PSTPIP2: variants seen among roughly 807,000 people sequenced by gnomAD.
The protein encoded by PSTPIP2 is proline-serine-threonine phosphatase interacting protein 2, also known as proline-serine-threonine phosphatase-interacting protein 2.
A neutral mutation model predicts 63.3 loss-of-function variants in PSTPIP2; 33 were observed. The observed-to-expected ratio is 0.52, with a 90% confidence interval of 0.40 to 0.70. The LOEUF (loss-of-function observed/expected upper bound fraction) is 0.70, where lower values mean the gene tolerates loss of function less well. Among genes scored for constraint, PSTPIP2 ranks in the 30% least tolerant of loss-of-function variants. The probability of loss-of-function intolerance (pLI) is 0.00; values close to 1 mark genes in which losing one functional copy is unlikely to be tolerated. For missense variants in PSTPIP2, 312 were observed against 400.7 expected, an observed-to-expected ratio of 0.78 and a Z score of 1.89; for synonymous variants, 125 against 132.7, an observed-to-expected ratio of 0.94 and a Z score of 0.40.
chr18:46,035,436 A>AGAG (rs1555690586), intron 2 of PSTPIP2, among the ~76,000 whole-genome samples: 2 of 140,872 alleles, frequency 1.4e-5, no homozygotes, highest in South Asian at 2.1e-4. Flanking sequence ...AAAAAAAGAA[A>AGAG]AGAGAGAGAG....
At chr18:46,002,024 A>G (rs1017329342) in intron 6 of PSTPIP2, among the ~76,000 whole-genome samples, 3 of 152,178 alleles carry the variant, frequency 2.0e-5, no homozygotes, top group African/African-American at 4.8e-5. Context: ...ATGTGTTAAC[A>G]GTTCTTTTCT....
At chr18:45,999,565 C>T in intron 6 of PSTPIP2, 31 bp from the exon 7 acceptor site, 3 of 1,610,646 alleles carry the variant, frequency 1.9e-6, no homozygotes, top group Non-Finnish European at 2.5e-6. Context: ...AGAACCAAAA[C>T]AAATGAACAG....
intron 1 of PSTPIP2, among the ~76,000 whole-genome samples, chr18:46,043,057 G>A (rs28432272): frequency 0.015 from 2,236 of 151,908 alleles, 37 homozygotes; most frequent in Admixed American, 0.037. Flanking sequence ...AGTTCCACCC[G>A]TGCAGTCCCA....
At chr18:45,997,963 A>C in intron 8 of PSTPIP2, 135 bp from the exon 9 acceptor site, 1 of 712,606 alleles carries the variant, frequency 1.4e-6, no homozygotes. Flanking sequence ...CAGGACTCTG[A>C]GCACTGGGAG....
At chr18:45,996,280 G>A (rs887643885) in intron 9 of PSTPIP2, among the ~76,000 whole-genome samples, 10 of 152,228 alleles carry the variant, frequency 6.6e-5, no homozygotes, top group Admixed American at 2.0e-4. Flanking sequence ...CAGGAAAAAA[G>A]GAGTGGGGCA....
intron 5 of PSTPIP2, among the ~76,000 whole-genome samples, chr18:46,009,296 C>T (rs1005661738): frequency 7.3e-6 from 1 of 137,856 alleles, no homozygotes. Flanking sequence ...AAGACCAAAG[C>T]GTGTGTCTGA....
chr18:46,042,624 T>G (rs916681944), intron 1 of PSTPIP2, among the ~76,000 whole-genome samples: 6 of 152,198 alleles, frequency 3.9e-5, no homozygotes, highest in Non-Finnish European at 7.3e-5. Context: ...AAAGGCCTAT[T>G]GTGCTTGCTG....
At chr18:46,007,158 A>G (rs2051737303) in intron 5 of PSTPIP2, among the ~76,000 whole-genome samples, 1 of 152,278 alleles carries the variant, frequency 6.6e-6, no homozygotes, top group Non-Finnish European at 1.5e-5. Context: ...CCTTCCAGAC[A>G]GAGAAAACTT....
intron 1 of PSTPIP2, among the ~76,000 whole-genome samples, chr18:46,065,548 C>G (rs1351280826): frequency 2.0e-5 from 3 of 151,982 alleles, no homozygotes; most frequent in Non-Finnish European, 4.4e-5. Context: ...CTCACTGCAA[C>G]CTCCGCCTCC....
At chr18:46,051,482 A>C (rs1037262441) in intron 1 of PSTPIP2, among the ~76,000 whole-genome samples, 1 of 152,188 alleles carries the variant, frequency 6.6e-6, no homozygotes, top group Non-Finnish European at 1.5e-5. Context: ...TCAAGAAAAA[A>C]AAAAATTGAA....
At chr18:46,013,874 T>C (rs1223830951) in intron 4 of PSTPIP2, among the ~76,000 whole-genome samples, 2 of 152,142 alleles carry the variant, frequency 1.3e-5, no homozygotes, top group Non-Finnish European at 2.9e-5. Flanking sequence ...TCCAAAGACT[T>C]TCTATTTCCT....
chr18:46,059,065 CTCCCTCTGT>C (rs1908888695), intron 1 of PSTPIP2, among the ~76,000 whole-genome samples: 1 of 148,632 alleles, frequency 6.7e-6, no homozygotes. Flanking sequence ...GAGATAGGGT[CTCCCTCTGT>C]CGCCCAGGCT....
At chr18:46,029,702 G>T in intron 2 of PSTPIP2, 1 of 691,210 alleles carries the variant, frequency 1.4e-6, no homozygotes, top group Non-Finnish European at 2.6e-6. Context: ...GCAGTCATTG[G>T]TTCATCTTCC....
At chr18:46,064,149 T>C (rs1418504200) in intron 1 of PSTPIP2, among the ~76,000 whole-genome samples, 2 of 152,170 alleles carry the variant, frequency 1.3e-5, no homozygotes, top group Non-Finnish European at 2.9e-5. Flanking sequence ...CTTCCTTGTC[T>C]AGGCCACTGT....
chr18:46,015,772 C>T, intron 4 of PSTPIP2, 131 bp downstream of exon 4: 1 of 966,794 alleles, frequency 1.0e-6, no homozygotes, highest in Non-Finnish European at 1.6e-6. Context: ...AGCTTTGTCT[C>T]ACCTTAGGAG....
At chr18:46,047,620 A>G (rs1055964381) in intron 1 of PSTPIP2, among the ~76,000 whole-genome samples, 1 of 152,002 alleles carries the variant, frequency 6.6e-6, no homozygotes, top group Admixed American at 6.6e-5. Context: ...AACGTGGGAA[A>G]CAGAGGTTGT....
Position 46,022,270 on chromosome 18 carries a change from A to AGTGT in PSTPIP2, c.212+2335_212+2338dup, listed in dbSNP as rs1907392263. ...ATACCTTTCTTTGTAGTCTAGGATG[A>AGTGT]GTGTGTGTGTATGTGTGTGTGTGTG... On this transcript the variant is annotated intron_variant, in intron 3 of 14. Transcript: ENST00000409746. 6.5e-5 allele frequency among the ~76,000 whole-genome samples: 6 copies of AGTGT among 92,838 alleles called. No individual in the cohort carries two copies. In the South Asian group the frequency reaches 1.5e-3, roughly 23 times the overall value. The allele number at this position is 92,838 out of a possible 152,430, so 60.9% of individuals were successfully genotyped here.
At chr18:46,025,146 C>G (rs978840017) in intron 2 of PSTPIP2, among the ~76,000 whole-genome samples, 1 of 152,094 alleles carries the variant, frequency 6.6e-6, no homozygotes, top group Non-Finnish European at 1.5e-5. Flanking sequence ...ATTGCAGGGT[C>G]GGTCTCAGCA....
At chr18:46,070,150 G>A (rs905091467) in intron 1 of PSTPIP2, among the ~76,000 whole-genome samples, 6 of 152,164 alleles carry the variant, frequency 3.9e-5, no homozygotes, top group African/African-American at 1.4e-4. Context: ...TCAAGCCCGG[G>A]CAGCCCACCT....
Sources: gnomAD v4.1 joint callset for allele counts (sites outside exome capture counted in the v4.1 genomes callset) on GRCh38, gnomAD v4.1.1 for gene constraint, MANE v1.5 for transcripts, NCBI Gene and HGNC (gene_info 2026-07-23, HGNC 2026-07-21) for gene names.